MYOM1: variants seen among roughly 807,000 people sequenced by gnomAD.
The protein encoded by MYOM1 is myomesin-1.
Under a neutral mutation model 205.3 loss-of-function variants are expected in MYOM1, and 164 were observed. The ratio of observed to expected loss-of-function variants is 0.80; its 90% confidence interval spans 0.70 to 0.91. MYOM1 has a LOEUF of 0.91. MYOM1 is among the 40% of genes least tolerant of loss of function. MYOM1 has a pLI of 0.00. For synonymous variants in MYOM1, 772 were observed against 789.4 expected (o/e 0.98, Z 0.37); for missense variants, 2,011 against 2,127.3 (o/e 0.95, Z 1.08).
chr18:3,136,495 G>A (rs1157073955), intron 14 of MYOM1, among the ~76,000 whole-genome samples: 3 of 151,800 alleles, frequency 2.0e-5, no homozygotes, highest in Non-Finnish European at 4.4e-5. Context: ...GCACAATCAC[G>A]GCTCACTGCA....
chr18:3,112,217 G>C, intron 22 of MYOM1, 81 bp downstream of exon 22: 1 of 1,109,506 alleles, frequency 9.0e-7, no homozygotes, highest in Non-Finnish European at 1.3e-6. Context: ...TTGAAAATTA[G>C]AGGAAAGCAC....
the MYOM1 span, among the ~76,000 whole-genome samples, chr18:3,233,868 T>G: frequency 1.8e-4 from 27 of 152,324 alleles, no homozygotes; most frequent in Admixed American, 1.6e-3. Context: ...AACAAAAAAG[T>G]CAACATTTCA....
intron 16 of MYOM1, among the ~76,000 whole-genome samples, chr18:3,132,116 G>A (rs1439867722): frequency 1.3e-4 from 9 of 68,462 alleles, no homozygotes; most frequent in South Asian, 1.8e-3. Flanking sequence ...ATATATGTGT[G>A]TGTATATATA....
In MYOM1 at chr18:3,168,988, A is replaced by G. The variant is rs2080513246; in HGVS notation, c.1175-7T>C. On this transcript the variant is annotated splice_region_variant and splice_polypyrimidine_tract_variant and intron_variant, in intron 8 of 37. Coordinates refer to ENST00000356443, the MANE Select transcript of MYOM1 (RefSeq NM_003803.4). ...CCATATGGGGTCACACCAACTGGGT[A>G]CAAAAATAACAAATATCAGTAATTT... 1 of 1,603,076 alleles carries G rather than the reference A, an allele frequency of 6.2e-7. No homozygotes were observed. The highest frequency in any genetic ancestry group is 1.1e-5 in the South Asian group (1 of 89,100).
At chr18:3,154,384 C>T (rs1240023085) in intron 11 of MYOM1, among the ~76,000 whole-genome samples, 1 of 151,842 alleles carries the variant, frequency 6.6e-6, no homozygotes, top group Non-Finnish European at 1.5e-5. Flanking sequence ...GGCAAGAATG[C>T]TATGAATTCG....
intron 22 of MYOM1, among the ~76,000 whole-genome samples, chr18:3,107,353 A>G (rs1225691856): frequency 6.6e-6 from 1 of 152,158 alleles, no homozygotes; most frequent in Non-Finnish European, 1.5e-5. Flanking sequence ...TCCTGATCTC[A>G]TGATCCACCC....
At chr18:3,169,012 T>A in intron 8 of MYOM1, 31 bp from the exon 9 acceptor site, 1 of 1,580,882 alleles carries the variant, frequency 6.3e-7, no homozygotes, top group Non-Finnish European at 8.6e-7. Flanking sequence ...TATCAGTAAT[T>A]TTTTTCTTCA....
chr18:3,183,350 T>G (rs891110545), intron 5 of MYOM1, among the ~76,000 whole-genome samples: 3 of 152,242 alleles, frequency 2.0e-5, no homozygotes, highest in Non-Finnish European at 2.9e-5. Context: ...GGGATGTGTG[T>G]GCCCTTATTC....
At chr18:3,188,417 G>A (rs554876043) in intron 4 of MYOM1, among the ~76,000 whole-genome samples, 2 of 151,346 alleles carry the variant, frequency 1.3e-5, no homozygotes, top group South Asian at 4.2e-4. Flanking sequence ...ACGAGTTCAA[G>A]ACCAGCCTTG....
At chr18:3,224,257 A>G (rs1256683567), upstream of MYOM1, among the ~76,000 whole-genome samples, 2 of 152,118 alleles carry the variant, frequency 1.3e-5, no homozygotes, top group Admixed American at 1.3e-4. Flanking sequence ...TCTGACCTCA[A>G]GTGATCTGCC....
At chr18:3,235,986 T>A in the MYOM1 span, among the ~76,000 whole-genome samples, 1 of 152,092 alleles carries the variant, frequency 6.6e-6, no homozygotes, top group Non-Finnish European at 1.5e-5. Flanking sequence ...TCAAGAAACA[T>A]TTAGGATGTC....
chr18:3,076,993 T>A (rs2079027232), intron 34 of MYOM1, among the ~76,000 whole-genome samples: 1 of 150,490 alleles, frequency 6.6e-6, no homozygotes, highest in Non-Finnish European at 1.5e-5. Flanking sequence ...ATTACAGGCG[T>A]GAGCCACAGC....
At chr18:3,091,114 G>A (rs999731402) in intron 26 of MYOM1, among the ~76,000 whole-genome samples, 1 of 152,044 alleles carries the variant, frequency 6.6e-6, no homozygotes, top group Non-Finnish European at 1.5e-5. Context: ...TCAGGAGTTC[G>A]AGACCAGCCT....
chr18:3,244,599 C>CA, the MYOM1 span, among the ~76,000 whole-genome samples: 2 of 151,370 alleles, frequency 1.3e-5, no homozygotes, highest in Non-Finnish European at 2.9e-5. Context: ...ACTAAAAGTA[C>CA]AAAAAAAGAG....
At chr18:3,190,819 A>G (rs28391113) in intron 3 of MYOM1, among the ~76,000 whole-genome samples, 14,647 of 152,186 alleles carry the variant, frequency 0.096, 1,067 homozygotes, top group African/African-American at 0.21. Context: ...GTAATGATGG[A>G]TCATATTCAG....
intron 2 of MYOM1, among the ~76,000 whole-genome samples, chr18:3,199,403 A>C (rs1467736384): frequency 1.3e-5 from 2 of 152,244 alleles, no homozygotes; most frequent in Non-Finnish European, 2.9e-5. Flanking sequence ...AGGGTCCTTC[A>C]TAAGCTCTCC....
At chr18:3,104,281 CAG>C (rs1451390349) in intron 22 of MYOM1, among the ~76,000 whole-genome samples, 6 of 152,088 alleles carry the variant, frequency 3.9e-5, no homozygotes, top group Non-Finnish European at 8.8e-5. Flanking sequence ...AGAATGTAAA[CAG>C]AAATTTTTGT....
At chr18:3,186,030 T>A (rs1007796772) in intron 5 of MYOM1, among the ~76,000 whole-genome samples, 1 of 152,130 alleles carries the variant, frequency 6.6e-6, no homozygotes, top group African/African-American at 2.4e-5. Context: ...ACCCCGTCTC[T>A]ACTGAAAATA....
chr18:3,131,454 G>C lies in MYOM1; in HGVS notation c.2427C>G (p.Phe809Leu). 1 of 1,613,846 alleles carries C rather than the reference G, an allele frequency of 6.2e-7. No individual in the cohort carries two copies. The highest frequency in any genetic ancestry group is 1.1e-5 in the South Asian group (1 of 91,074). ...CAGCTGCATTGACTGCTCTGACCCG[G>C]AAAATATAACTCTGACCAGTCACTA... ...HGLVTGQSYI[F>L]RVRAVNAAGL... Residue 809 changes from phenylalanine (F) to leucine (L), a missense_variant, in exon 17 of 38, where the codon TTC becomes TTG. Transcript: ENST00000356443.
Sources: allele counts gnomAD v4.1 joint callset (sites outside exome capture counted in the v4.1 genomes callset), GRCh38; gene constraint gnomAD v4.1.1; transcripts MANE v1.5; gene names NCBI Gene and HGNC (gene_info 2026-07-23, HGNC 2026-07-21).